PTPRD: variants seen among roughly 807,000 people sequenced by gnomAD.
PTPRD encodes the protein protein tyrosine phosphatase receptor type D.
In PTPRD, 34 loss-of-function variants were observed where a neutral mutation model predicts 214.5. The observed-to-expected ratio is 0.16, with a 90% CI of 0.12 to 0.21. PTPRD has a LOEUF of 0.21. Among genes scored for constraint, PTPRD ranks in the 10% least tolerant of loss-of-function variants. The pLI is 1.00. For missense variants in PTPRD, 2,545 were observed against 2,398.7 expected, an observed-to-expected ratio of 1.06 and a Z score of -1.27; for synonymous variants, 1,128 against 845.7, an observed-to-expected ratio of 1.33 and a Z score of -5.79.
chr9:10,210,560 A>G (rs560650183), intron 3 of PTPRD, among the ~76,000 whole-genome samples: 1 of 151,802 alleles, frequency 6.6e-6, no homozygotes, highest in African/African-American at 2.4e-5. Context: ...TCCACTAGTT[A>G]TAAGTCCTCA....
chr9:8,928,663 T>C (rs192747869), intron 11 of PTPRD, among the ~76,000 whole-genome samples: 1 of 152,190 alleles, frequency 6.6e-6, no homozygotes, highest in Non-Finnish European at 1.5e-5. Flanking sequence ...AGTATTATCT[T>C]GGCTATATGG....
intron 2 of PTPRD, among the ~76,000 whole-genome samples, chr9:10,515,980 G>C (rs149536952): frequency 6.7e-4 from 102 of 151,824 alleles, no homozygotes; most frequent in African/African-American, 2.3e-3. Context: ...ATTCATCTGT[G>C]GACATTTAGG....
chr9:8,885,502 T>TC lies in PTPRD; in HGVS notation c.-104+133194_-104+133195insG, dbSNP rs1173892203. ...CCACACAGCCTCTTTTTTTTTTTTT[T>TC]TTTTTTTTTCTGAGACCAAGTCTCG... On this transcript the variant is annotated intron_variant, in intron 11 of 45. Coordinates refer to ENST00000381196, the MANE Select transcript of PTPRD (RefSeq NM_002839.4). 3.4e-5 allele frequency among the ~76,000 whole-genome samples: 5 copies of TC among 148,282 alleles called. No homozygotes were observed. The Admixed American group carries it at 3.4e-4, about 10-fold the overall frequency.
intron 3 of PTPRD, among the ~76,000 whole-genome samples, chr9:10,089,848 A>G (rs724231): frequency 0.17 from 25,745 of 151,710 alleles, 2,629 homozygotes; most frequent in South Asian, 0.32. Context: ...GTTCAAGGGT[A>G]GAACCATCAG....
chr9:9,968,413 A>G (rs16930689), intron 4 of PTPRD, among the ~76,000 whole-genome samples: 12,133 of 152,296 alleles, frequency 0.08, 1,631 homozygotes, highest in African/African-American at 0.28. Flanking sequence ...ATATTAAAAC[A>G]TACACCTGTA....
At chr9:8,555,274 G>A (rs2140980651) in intron 14 of PTPRD, among the ~76,000 whole-genome samples, 1 of 152,256 alleles carries the variant, frequency 6.6e-6, no homozygotes, top group Admixed American at 6.5e-5. Flanking sequence ...AAGCATGACA[G>A]TGTGTTCCTG....
chr9:8,664,054 G>C (rs534305388), intron 12 of PTPRD, among the ~76,000 whole-genome samples: 17 of 152,234 alleles, frequency 1.1e-4, no homozygotes, highest in Admixed American at 3.9e-4. Context: ...ACCATGTCGA[G>C]AGGATATTAA....
chr9:10,197,706 G>C (rs150237675), intron 3 of PTPRD, among the ~76,000 whole-genome samples: 1,584 of 152,180 alleles, frequency 0.01, 32 homozygotes, highest in African/African-American at 0.036. Flanking sequence ...GAAAAGCAGA[G>C]TCCTGAATGC....
chr9:8,448,261 G>C (rs2095812404), intron 34 of PTPRD, among the ~76,000 whole-genome samples: 1 of 152,178 alleles, frequency 6.6e-6, no homozygotes, highest in Admixed American at 6.5e-5. Context: ...CCGGGAGGTT[G>C]AGGCTGCAGT....
At chr9:9,591,440 G>C (rs1249170568) in intron 7 of PTPRD, among the ~76,000 whole-genome samples, 4 of 151,960 alleles carry the variant, frequency 2.6e-5, no homozygotes, top group Non-Finnish European at 4.4e-5. Flanking sequence ...ACACAACACT[G>C]CCAACATCTT....
At chr9:10,118,867 AAAATAAATAAAT>A (rs144204787) in intron 3 of PTPRD, among the ~76,000 whole-genome samples, 90 of 143,728 alleles carry the variant, frequency 6.3e-4, no homozygotes, top group Admixed American at 1.5e-3. Context: ...AAATACACCA[AAAATAAATAAAT>A]AAATAAATAA....
intron 2 of PTPRD, among the ~76,000 whole-genome samples, chr9:10,531,093 G>T (rs559325831): frequency 1.6e-4 from 25 of 152,114 alleles, no homozygotes; most frequent in African/African-American, 6.0e-4. Flanking sequence ...GGGATTGCAG[G>T]TGCAAGCCAC....
intron 5 of PTPRD, among the ~76,000 whole-genome samples, chr9:9,878,026 G>A (rs2067423305): frequency 6.7e-6 from 1 of 149,558 alleles, no homozygotes. Context: ...TATATCCATC[G>A]GTTGCCCCTC....
At chr9:10,368,673 A>G (rs949048018) in intron 2 of PTPRD, among the ~76,000 whole-genome samples, 2 of 152,082 alleles carry the variant, frequency 1.3e-5, no homozygotes, top group South Asian at 4.1e-4. Flanking sequence ...AATCTCACTT[A>G]TGGGAAGGAA....
chr9:8,940,196 G>C (rs1191753983), intron 11 of PTPRD, among the ~76,000 whole-genome samples: 2 of 149,642 alleles, frequency 1.3e-5, no homozygotes, highest in Non-Finnish European at 3.0e-5. Flanking sequence ...TTCAATCCCT[G>C]ATACCGTGTT....
At chr9:8,871,697 A>G (rs1299408924) in intron 11 of PTPRD, among the ~76,000 whole-genome samples, 2 of 152,182 alleles carry the variant, frequency 1.3e-5, no homozygotes, top group African/African-American at 4.8e-5. Flanking sequence ...GATAAGAGTG[A>G]AAACTTTACC....
At chr9:10,568,727 A>C (rs1448226748) in intron 2 of PTPRD, among the ~76,000 whole-genome samples, 2 of 152,196 alleles carry the variant, frequency 1.3e-5, no homozygotes, top group African/African-American at 4.8e-5. Context: ...ATATGTAGAA[A>C]GCTAAAACTG....
chr9:9,960,493 G>T (rs188354503), intron 4 of PTPRD, among the ~76,000 whole-genome samples: 13 of 152,200 alleles, frequency 8.5e-5, no homozygotes, highest in African/African-American at 2.4e-4. Context: ...ACTTAGCAGT[G>T]GAGAAACCTG....
intron 11 of PTPRD, among the ~76,000 whole-genome samples, chr9:8,823,991 T>A (rs1212126799): frequency 1.3e-5 from 2 of 152,174 alleles, no homozygotes; most frequent in East Asian, 3.9e-4. Context: ...GGTAACTTCC[T>A]GATGTTGCCA....
Sources: allele counts gnomAD v4.1 joint callset (sites outside exome capture counted in the v4.1 genomes callset), GRCh38; gene constraint gnomAD v4.1.1; transcripts MANE v1.5; gene names NCBI Gene and HGNC (gene_info 2026-07-23, HGNC 2026-07-21).